The following ST7 variants were observed in gnomAD, a reference collection of about 807,000 sequenced individuals.
ST7 encodes the protein suppressor of tumorigenicity 7 protein.
In ST7, 28 loss-of-function variants were observed where a neutral mutation model predicts 78.7. The observed-to-expected ratio is 0.36, with a 90% confidence interval of 0.26 to 0.49. The LOEUF (loss-of-function observed/expected upper bound fraction) is 0.49, where lower values mean the gene tolerates loss of function less well. Among genes scored for constraint, ST7 ranks in the 20% least tolerant of loss-of-function variants. The pLI is 0.99. For missense variants in ST7, 418 were observed against 696.0 expected (o/e 0.60, Z 4.49); for synonymous variants, 247 against 249.6 (o/e 0.99, Z 0.10).
intron 1 of ST7, among the ~76,000 whole-genome samples, chr7:117,053,315 T>C (rs1328288711): frequency 1.3e-5 from 2 of 152,218 alleles, no homozygotes; most frequent in Non-Finnish European, 2.9e-5. Context: ...TGGCAAGCCA[T>C]TTCCGGGCTC....
At chr7:117,178,298 A>G (rs867023903) in intron 10 of ST7, among the ~76,000 whole-genome samples, 1 of 152,202 alleles carries the variant, frequency 6.6e-6, no homozygotes, top group African/African-American at 2.4e-5. Flanking sequence ...TGTCACCAAG[A>G]TGGTTTCAGT....
chr7:117,153,848 A>G (rs1806473972), intron 9 of ST7, among the ~76,000 whole-genome samples: 1 of 152,216 alleles, frequency 6.6e-6, no homozygotes, highest in African/African-American at 2.4e-5. Flanking sequence ...CAATAAGCTT[A>G]GATGGAAAAG....
intron 2 of ST7, among the ~76,000 whole-genome samples, chr7:117,104,150 G>C (rs1477761902): frequency 2.0e-5 from 3 of 152,062 alleles, no homozygotes; most frequent in Admixed American, 6.6e-5. Context: ...TTTGTAAGAA[G>C]AAAGGGTGTG....
chr7:117,011,552 G>A (rs566512684), intron 1 of ST7, among the ~76,000 whole-genome samples: 1 of 152,312 alleles, frequency 6.6e-6, no homozygotes, highest in South Asian at 2.1e-4. Context: ...GATCAGAGAG[G>A]TAATGAGTGG....
intron 1 of ST7, among the ~76,000 whole-genome samples, chr7:117,056,249 T>C (rs922593645): frequency 6.6e-6 from 1 of 152,124 alleles, no homozygotes; most frequent in African/African-American, 2.4e-5. Flanking sequence ...CTAGGTGAGA[T>C]GGGAAAGCTG....
intron 1 of ST7, among the ~76,000 whole-genome samples, chr7:116,997,945 C>T (rs9641573): frequency 0.95 from 144,293 of 152,356 alleles, 68,851 homozygotes; most frequent in East Asian, 1. Flanking sequence ...TAGTGGATCC[C>T]GCACTGGGGC....
chr7:116,978,560 A>G (rs1585080067), intron 1 of ST7, among the ~76,000 whole-genome samples: 1 of 152,014 alleles, frequency 6.6e-6, no homozygotes, highest in East Asian at 1.9e-4. Flanking sequence ...CAGGAAACAT[A>G]TCATACATTC....
At chr7:117,057,141 T>C (rs1798104574) in intron 1 of ST7, among the ~76,000 whole-genome samples, 1 of 152,194 alleles carries the variant, frequency 6.6e-6, no homozygotes. Flanking sequence ...AAAATGTAAT[T>C]ATTTTAAATT....
intron 1 of ST7, chr7:116,968,470 T>G (rs987052378): frequency 4.4e-6 from 2 of 452,224 alleles, no homozygotes; most frequent in Non-Finnish European, 8.9e-6. Flanking sequence ...AACCTTCTGA[T>G]TATTTCGACT....
intron 1 of ST7, among the ~76,000 whole-genome samples, chr7:117,058,528 T>C (rs1163329132): frequency 6.6e-6 from 1 of 152,200 alleles, no homozygotes; most frequent in Non-Finnish European, 1.5e-5. Context: ...TAGTGCATTA[T>C]GGTAAAATTG....
intron 1 of ST7, among the ~76,000 whole-genome samples, chr7:117,008,846 G>T (rs1024080227): frequency 6.6e-6 from 1 of 152,114 alleles, no homozygotes; most frequent in Admixed American, 6.5e-5. Flanking sequence ...TAGCCCATGG[G>T]CTGCCTGTTT....
chr7:117,155,485 C>T (rs888079706), intron 9 of ST7, among the ~76,000 whole-genome samples: 1 of 152,092 alleles, frequency 6.6e-6, no homozygotes, highest in African/African-American at 2.4e-5. Flanking sequence ...GTCAAGAGGT[C>T]GTGATAGTAT....
chr7:117,093,267 A>T (rs781234683), intron 1 of ST7, among the ~76,000 whole-genome samples: 8 of 152,232 alleles, frequency 5.3e-5, no homozygotes, highest in Non-Finnish European at 1.2e-4. Flanking sequence ...GATGTTTTAC[A>T]TCCTGGGCTG....
intron 1 of ST7, among the ~76,000 whole-genome samples, chr7:117,061,889 A>G (rs1026864451): frequency 3.3e-5 from 5 of 152,322 alleles, no homozygotes; most frequent in Non-Finnish European, 5.9e-5. Flanking sequence ...ATTCAAAAGG[A>G]TAACTTGTGT....
chr7:116,966,247 C>CTTTTT (rs374887005), intron 1 of ST7: 20 of 178,532 alleles, frequency 1.1e-4, no homozygotes, highest in East Asian at 1.9e-4. Flanking sequence ...TTTTTTCTTT[C>CTTTTT]TTTTTTTTTT....
chr7:117,010,032 T>C (rs2115905727), intron 1 of ST7, among the ~76,000 whole-genome samples: 1 of 152,338 alleles, frequency 6.6e-6, no homozygotes, highest in East Asian at 1.9e-4. Context: ...AGATCTTTTA[T>C]TATGTTTTAC....
At chr7:117,034,957 G>GTA (rs1796800185) in intron 1 of ST7, among the ~76,000 whole-genome samples, 1 of 152,074 alleles carries the variant, frequency 6.6e-6, no homozygotes, top group Non-Finnish European at 1.5e-5. Context: ...GTTTAGTTGT[G>GTA]TAAGGGTGAT....
At chr7:117,215,371 A>G (rs2116105123) in intron 13 of ST7, among the ~76,000 whole-genome samples, 1 of 152,306 alleles carries the variant, frequency 6.6e-6, no homozygotes, top group Admixed American at 6.5e-5. Context: ...ATTATTAACA[A>G]ACAAGCAGAA....
intron 7 of ST7, among the ~76,000 whole-genome samples, chr7:117,134,738 T>C (rs1804642373): frequency 6.6e-6 from 1 of 152,054 alleles, no homozygotes; most frequent in Admixed American, 6.6e-5. Flanking sequence ...AGTGAATCAC[T>C]TGTATAGTTT....
Sources: gnomAD v4.1 joint callset for allele counts (sites outside exome capture counted in the v4.1 genomes callset) on GRCh38, gnomAD v4.1.1 for gene constraint, MANE v1.5 for transcripts, NCBI Gene and HGNC (gene_info 2026-07-23, HGNC 2026-07-21) for gene names.